The following TMCO5A variants were observed in gnomAD, a reference collection of about 807,000 sequenced individuals.
The protein encoded by TMCO5A is transmembrane and coiled-coil domain-containing protein 5A.
In TMCO5A, 34 loss-of-function variants were observed where a neutral mutation model predicts 42.3. The ratio of observed to expected loss-of-function variants is 0.80; its 90% CI spans 0.61 to 1.07. The LOEUF is 1.07. Among genes scored for constraint, TMCO5A ranks in the 50% least tolerant of loss-of-function variants. TMCO5A has a pLI of 0.00. For synonymous variants in TMCO5A, 131 were observed against 115.6 expected (o/e 1.13, Z -0.86); for missense variants, 357 against 327.9 (o/e 1.09, Z -0.69).
chr15:38,001,365 C>A, the TMCO5A span, among the ~76,000 whole-genome samples: 1 of 151,060 alleles, frequency 6.6e-6, no homozygotes, highest in African/African-American at 2.4e-5. Context: ...AATTGTCCAT[C>A]CCTTTATGTT....
chr15:37,965,445 T>A (rs187060706), intron 11 of TMCO5A, among the ~76,000 whole-genome samples: 3 of 152,062 alleles, frequency 2.0e-5, no homozygotes, highest in African/African-American at 7.2e-5. Flanking sequence ...GCACAGCAAA[T>A]GAAACAATCA....
At chr15:37,940,453 A>G (rs1254757314) in intron 6 of TMCO5A, among the ~76,000 whole-genome samples, 2 of 152,192 alleles carry the variant, frequency 1.3e-5, no homozygotes, top group African/African-American at 4.8e-5. Context: ...TTTATCATTT[A>G]GACTTTAGCT....
chr15:38,021,812 C>CT, the TMCO5A span, among the ~76,000 whole-genome samples: 454 of 136,268 alleles, frequency 3.3e-3, 7 homozygotes, highest in South Asian at 0.044. Context: ...TCGACAGTTT[C>CT]TTTTTTTTTT....
At chr15:38,007,894 T>C in the TMCO5A span, among the ~76,000 whole-genome samples, 2 of 117,128 alleles carry the variant, frequency 1.7e-5, no homozygotes, top group African/African-American at 7.1e-5. Flanking sequence ...TTTTTTTTTT[T>C]TTTTTTTTTT....
intron 10 of TMCO5A, 43 bp downstream of exon 10, chr15:37,943,441 C>A: frequency 5.0e-6 from 8 of 1,592,266 alleles, no homozygotes; most frequent in Non-Finnish European, 6.9e-6. Flanking sequence ...AGTGTCATTG[C>A]CTTTCAAAGC....
chr15:37,972,503 TG>T (rs1170667185), downstream of TMCO5A, among the ~76,000 whole-genome samples: 2 of 152,230 alleles, frequency 1.3e-5, no homozygotes, highest in African/African-American at 2.4e-5. Flanking sequence ...GTTATCTCCT[TG>T]TGGTTTTGAT....
In TMCO5A at chr15:37,941,147, AG is replaced by A. The variant is rs1386581217; in HGVS notation, c.388del. 6.2e-7 allele frequency: 1 copy of A among 1,613,046 alleles called. No homozygotes were observed. Among genetic ancestry groups the A allele is most frequent in the Non-Finnish European group, 8.5e-7 (1 of 1,179,466 alleles). ...GTTAGCAGTCTCTTTTGCTTTCTTT[AG>A]GTTAAGTTACAACAGCTGGAAGCTT... On this transcript the variant is annotated splice_acceptor_variant, in intron 6 of 11. Coordinates refer to ENST00000319669, the MANE Select transcript of TMCO5A (RefSeq NM_152453.4). LOFTEE classifies it high-confidence loss of function.
intron 11 of TMCO5A, among the ~76,000 whole-genome samples, chr15:37,962,609 G>A (rs954533772): frequency 6.6e-6 from 1 of 151,936 alleles, no homozygotes. Context: ...TGTCAAAATG[G>A]TTGGTACCAA....
the TMCO5A span, among the ~76,000 whole-genome samples, chr15:37,972,752 C>A: frequency 2.0e-5 from 3 of 152,064 alleles, no homozygotes; most frequent in Non-Finnish European, 4.4e-5. Context: ...TTGATAATTT[C>A]TTTTGCTGTG....
chr15:37,954,219 G>T (rs1229073178), downstream of TMCO5A, among the ~76,000 whole-genome samples: 2 of 152,014 alleles, frequency 1.3e-5, no homozygotes, highest in Non-Finnish European at 2.9e-5. Context: ...AACACCTACA[G>T]ATTTAACCCG....
chr15:37,953,394 G>A (rs1179479290), downstream of TMCO5A, among the ~76,000 whole-genome samples: 1 of 152,160 alleles, frequency 6.6e-6, no homozygotes, highest in South Asian at 2.1e-4. Flanking sequence ...CATTTGGGGG[G>A]AAGTAAGGAA....
At chr15:38,000,292 C>T in the TMCO5A span, among the ~76,000 whole-genome samples, 2 of 152,078 alleles carry the variant, frequency 1.3e-5, no homozygotes. Context: ...TTAGGTTTCC[C>T]AATTTATTGG....
downstream of TMCO5A, among the ~76,000 whole-genome samples, chr15:37,968,829 C>A (rs1041204284): frequency 6.6e-6 from 1 of 152,148 alleles, no homozygotes; most frequent in African/African-American, 2.4e-5. Flanking sequence ...GATCTGCCCA[C>A]CTCAGCCTCC....
At chr15:38,007,872 C>CTTTTTTTTTTTTTTTT in the TMCO5A span, among the ~76,000 whole-genome samples, 4 of 47,366 alleles carry the variant, frequency 8.4e-5, 1 homozygote, top group Admixed American at 3.9e-4. Flanking sequence ...CTCACCCACA[C>CTTTTTTTTTTTTTTTT]TTTTTTTTTT....
chr15:37,983,223 C>T, the TMCO5A span, among the ~76,000 whole-genome samples: 152,253 of 152,320 alleles, frequency 1, 76,093 homozygotes, highest in Non-Finnish European at 1. Flanking sequence ...TGGGCACTTA[C>T]GATGTGCTAG....
At chr15:38,038,289 G>A in the TMCO5A span, among the ~76,000 whole-genome samples, 1 of 152,098 alleles carries the variant, frequency 6.6e-6, no homozygotes, top group African/African-American at 2.4e-5. Flanking sequence ...CCTATGATGG[G>A]ACGATGGCAC....
In TMCO5A at chr15:37,941,176, T is replaced by C; in HGVS notation, c.415T>C (p.Tyr139His). Residue 139 changes from tyrosine to histidine, a missense_variant, in exon 7 of 12, where the codon TAT (tyrosine) becomes CAT (histidine). By Grantham distance (83) the Tyr-to-His change is moderately conservative (BLOSUM62 2). Transcript: ENST00000319669. ...TAAGTTACAACAGCTGGAAGCTTCC[T>C]ATGCATGCCAAGAGAAGGAGCTGCT... is the stretch of plus-strand genomic sequence containing the variant. ...KVKLQQLEAS[Y>H]ACQEKELLKV... 1 of 1,613,214 alleles carries C rather than the reference T, an allele frequency of 6.2e-7. No individual in the cohort carries two copies. The highest frequency in any genetic ancestry group is 8.5e-7 in the Non-Finnish European group (1 of 1,179,542).
chr15:37,937,542 C>A, intron 5 of TMCO5A, 146 bp downstream of exon 5: 1 of 781,738 alleles, frequency 1.3e-6, no homozygotes, highest in Non-Finnish European at 2.1e-6. Flanking sequence ...ATCCACTCTC[C>A]TGAGGCCAAG....
chr15:38,034,930 T>A, the TMCO5A span, among the ~76,000 whole-genome samples: 12 of 152,266 alleles, frequency 7.9e-5, no homozygotes, highest in Admixed American at 2.6e-4. Flanking sequence ...TTCCAAACCA[T>A]GTTCCAGGTA....
Sources: allele counts gnomAD v4.1 joint callset (sites outside exome capture counted in the v4.1 genomes callset), GRCh38; gene constraint gnomAD v4.1.1; transcripts MANE v1.5; gene names NCBI Gene and HGNC (gene_info 2026-07-23, HGNC 2026-07-21).